SMC3: variants seen among roughly 807,000 people sequenced by gnomAD.
SMC3 encodes the protein structural maintenance of chromosomes protein 3.
SMC3 carries 20 observed loss-of-function variants against 171.8 expected under a neutral mutation model. The ratio of observed to expected loss-of-function variants is 0.12; its 90% CI spans 0.08 to 0.17. SMC3 has a LOEUF of 0.17. SMC3 is among the 10% of genes least tolerant of loss of function. The pLI is 1.00. For synonymous variants in SMC3, 464 were observed against 451.1 expected, an observed-to-expected ratio of 1.03 and a Z score of -0.36; for missense variants, 543 against 1,420.4, an observed-to-expected ratio of 0.38 and a Z score of 9.93.
chr10:110,571,262 G>A (rs1246334857), intron 2 of SMC3, among the ~76,000 whole-genome samples: 2 of 152,158 alleles, frequency 1.3e-5, no homozygotes, highest in Non-Finnish European at 2.9e-5. Flanking sequence ...AGCACAGACA[G>A]GATTAGCTGC....
intron 6 of SMC3, 130 bp from the exon 7 acceptor site, chr10:110,578,498 G>T: frequency 1.5e-6 from 1 of 680,802 alleles, no homozygotes; most frequent in Non-Finnish European, 2.6e-6. Context: ...AGAAAGTTCT[G>T]AGGATGATAC....
chr10:110,582,931 GTT>G lies in SMC3; in HGVS notation c.804+304_804+305del, dbSNP rs59010687. On this transcript the variant is annotated intron_variant, in intron 10 of 28. Transcript: ENST00000361804. ...GGTCCTTCTGCCTCAGCCTCCTGAA[GTT>G]TTTTTTTTTTTTTTGGAAGACAGGG... 2.8e-4 allele frequency among the ~76,000 whole-genome samples: 38 copies of G among 136,262 alleles called. No homozygotes were observed. In the South Asian group the frequency reaches 7.1e-3, roughly 26 times the overall value. 89.4% of individuals were successfully genotyped at this position (136,262 alleles called of 152,430 possible).
intron 3 of SMC3, among the ~76,000 whole-genome samples, chr10:110,574,430 T>C (rs1056192232): frequency 3.3e-5 from 5 of 152,192 alleles, no homozygotes; most frequent in Non-Finnish European, 7.3e-5. Context: ...AGTTGGGTAA[T>C]GCTTGAGGGA....
chr10:110,602,789 C>T (rs759283435), intron 26 of SMC3, 36 bp from the exon 27 acceptor site: 2 of 1,601,414 alleles, frequency 1.2e-6, no homozygotes, highest in Middle Eastern at 1.7e-4. Context: ...TGATTCTGCC[C>T]TTTAGGATAT....
At position 110,590,764 on chromosome 10, in the gene SMC3, G is replaced by T. The variant is rs1365337514; in HGVS notation, c.1670+192G>T. 3.9e-5 allele frequency among the ~76,000 whole-genome samples: 6 copies of T among 152,170 alleles called. No homozygotes were observed. The East Asian group carries it at 1.2e-3, about 29-fold the overall frequency. ...AAGCTAGAACTTTCCTCTTTTGGGA[G>T]TTTCTCCCTCCCCGCCATTGGAATT... On this transcript the variant is annotated intron_variant, in intron 16 of 28. Coordinates refer to ENST00000361804, the MANE Select transcript of SMC3 (RefSeq NM_005445.4).
In SMC3 at chr10:110,600,204, A is replaced by G. The variant is rs74158111; in HGVS notation, c.2428-235A>G. On this transcript the variant is annotated intron_variant, in intron 21 of 28. Coordinates refer to ENST00000361804, the MANE Select transcript of SMC3 (RefSeq NM_005445.4). ...ACACCGATTCTAAAAAATGAAAAGCATTTAAAGAAACTGTTTTTGACAGCA... is the reference window on the plus strand; with the variant it reads ...ACACCGATTCTAAAAAATGAAAAGCGTTTAAAGAAACTGTTTTTGACAGCA... Among the ~76,000 whole-genome samples the G allele has an allele frequency of 2.2e-3, 333 of 152,338 alleles. 4 individuals are homozygous for G. The highest frequency in any genetic ancestry group is 7.8e-3 in the African/African-American group (326 of 41,582).
At chr10:110,595,712 AT>A (rs1861288852) in intron 18 of SMC3, among the ~76,000 whole-genome samples, 1 of 148,052 alleles carries the variant, frequency 6.8e-6, no homozygotes, top group Non-Finnish European at 1.5e-5. Context: ...TCCAATTTTC[AT>A]TTTTTAAAAA....
At chr10:110,586,297 G>C (rs1358482126) in intron 13 of SMC3, among the ~76,000 whole-genome samples, 1 of 152,250 alleles carries the variant, frequency 6.6e-6, no homozygotes, top group Non-Finnish European at 1.5e-5. Context: ...AAATTGCGAG[G>C]AGTGTAGCCT....
At chr10:110,589,541 T>G in intron 13 of SMC3, 64 bp from the exon 14 acceptor site, 1 of 1,065,772 alleles carries the variant, frequency 9.4e-7, no homozygotes, top group Non-Finnish European at 1.4e-6. Context: ...ACCACTGATC[T>G]GCTTTCTATC....
chr10:110,602,359 G>A, intron 25 of SMC3, 115 bp from the exon 26 acceptor site: 1 of 1,004,376 alleles, frequency 1.0e-6, no homozygotes, highest in Non-Finnish European at 1.5e-6. Flanking sequence ...GAAGGATCTA[G>A]TCTGTTATCC....
chr10:110,603,136 C>G lies in SMC3; in HGVS notation c.3476-48C>G, dbSNP rs1349891048. Reference sequence around the variant, plus strand: ...TAAAGATAGTTGCTTTTTAAATTTTCAGATCTGCTGAAAAGAAATTTGTTA... The same window carrying G: ...TAAAGATAGTTGCTTTTTAAATTTTGAGATCTGCTGAAAAGAAATTTGTTA... On this transcript the variant is annotated intron_variant, in intron 27 of 28. Coordinates refer to ENST00000361804, the MANE Select transcript of SMC3 (RefSeq NM_005445.4). The G allele has an allele frequency of 3.2e-6, 5 of 1,546,938 alleles. No individual in the cohort carries two copies. In the South Asian group the frequency reaches 4.5e-5, roughly 14 times the overall value.
chr10:110,592,889 A>G (rs1009469415), intron 17 of SMC3, among the ~76,000 whole-genome samples, 184 bp from the exon 18 acceptor site: 1 of 152,264 alleles, frequency 6.6e-6, no homozygotes, highest in Non-Finnish European at 1.5e-5. Context: ...CTTGATTACA[A>G]GAGCAAAATT....
intron 13 of SMC3, among the ~76,000 whole-genome samples, chr10:110,588,731 A>T (rs1201993545): frequency 6.6e-6 from 1 of 152,208 alleles, no homozygotes; most frequent in Admixed American, 6.5e-5. Flanking sequence ...AGCTCAGTAT[A>T]GTCTACTAAA....
chr10:110,595,816 G>A (rs1003507836), intron 18 of SMC3, among the ~76,000 whole-genome samples: 9 of 151,204 alleles, frequency 6.0e-5, no homozygotes, highest in Non-Finnish European at 8.8e-5. Context: ...CCCAAATATG[G>A]CCAGTGGAAA....
In SMC3 at chr10:110,568,975, C is replaced by T; in HGVS notation, c.53C>T (p.Thr18Ile). ...GGTTTTCGAAGTTACAGAGATCAAA[C>T]AATTGTAGATCCCTTCAGTTCAAAA... ...IQGFRSYRDQTIVDPFSSKHN... is the reference protein window; with the variant it reads ...IQGFRSYRDQIIVDPFSSKHN... Residue 18 changes from threonine to isoleucine, a missense_variant, in exon 2 of 29, where the codon ACA (threonine) becomes ATA (isoleucine). Physicochemically the swap from Thr to Ile is moderately conservative, Grantham distance 89. Around this residue, in one of 8 missense-constraint regions of SMC3, gnomAD observed 146 missense variants for 437.9 expected, o/e 0.33. Coordinates refer to ENST00000361804, the MANE Select transcript of SMC3 (RefSeq NM_005445.4). 6.2e-7 allele frequency: 1 copy of T among 1,610,080 alleles called. No individual in the cohort carries two copies.
At chr10:110,595,080 T>A (rs1478507017) in intron 18 of SMC3, among the ~76,000 whole-genome samples, 3 of 151,934 alleles carry the variant, frequency 2.0e-5, no homozygotes, top group Admixed American at 2.0e-4. Context: ...CCTCGCAGGT[T>A]CAAGCGATTC....
chr10:110,578,364 C>T (rs1455285209), intron 6 of SMC3, among the ~76,000 whole-genome samples: 1 of 152,220 alleles, frequency 6.6e-6, no homozygotes, highest in Non-Finnish European at 1.5e-5. Context: ...AGCCACTGCG[C>T]CCAGCCCGCA....
chr10:110,604,079 A>C, intron 28 of SMC3, 152 bp from the exon 29 acceptor site: 1 of 438,516 alleles, frequency 2.3e-6, no homozygotes, highest in Non-Finnish European at 4.1e-6. Flanking sequence ...TGGGCAACAG[A>C]GCAAGACTCC....
chr10:110,593,793 C>T (rs1472192009), intron 18 of SMC3, among the ~76,000 whole-genome samples: 1 of 151,720 alleles, frequency 6.6e-6, no homozygotes, highest in Non-Finnish European at 1.5e-5. Context: ...TCAAGACTAG[C>T]CTAGCCAACA....
Sources: allele counts gnomAD v4.1 joint callset (sites outside exome capture counted in the v4.1 genomes callset), GRCh38; gene constraint gnomAD v4.1.1; regional missense constraint gnomAD v4.1.1; transcripts MANE v1.5; gene names NCBI Gene and HGNC (gene_info 2026-07-23, HGNC 2026-07-21).